Variants in WDPCP observed in about 807,000 individuals in gnomAD.
WDPCP encodes the protein WD repeat-containing and planar cell polarity effector protein fritz homolog.
In WDPCP, 71 loss-of-function variants were observed where a neutral mutation model predicts 93.1. The observed-to-expected ratio is 0.76, with a 90% CI of 0.63 to 0.93. The LOEUF is 0.93. Ranked by LOEUF, WDPCP falls within the 40% of genes least tolerant of loss-of-function variation. WDPCP has a pLI of 0.00. For missense variants in WDPCP, 844 were observed against 887.4 expected (o/e 0.95, Z 0.62); for synonymous variants, 315 against 315.0 (o/e 1.00, Z 0.00).
At chr2:63,331,133 G>A (rs957400188) in intron 12 of WDPCP, among the ~76,000 whole-genome samples, 1 of 152,086 alleles carries the variant, frequency 6.6e-6, no homozygotes, top group African/African-American at 2.4e-5. Flanking sequence ...TGGGATTACA[G>A]GCATAAGCCA....
intron 1 of WDPCP, among the ~76,000 whole-genome samples, chr2:63,512,581 T>C (rs889643352): frequency 5.3e-5 from 8 of 152,344 alleles, no homozygotes; most frequent in Admixed American, 2.6e-4. Context: ...AATGAGTTTA[T>C]GTCCTTTGCA....
chr2:63,144,182 G>T (rs1441615213), intron 17 of WDPCP, among the ~76,000 whole-genome samples: 3 of 152,042 alleles, frequency 2.0e-5, no homozygotes, highest in Admixed American at 2.0e-4. Context: ...TTAGTTCAAA[G>T]ACCTTGTTTT....
At chr2:63,275,644 G>A (rs1163885245) in intron 13 of WDPCP, among the ~76,000 whole-genome samples, 1 of 151,850 alleles carries the variant, frequency 6.6e-6, no homozygotes, top group East Asian at 1.9e-4. Flanking sequence ...ATTTGCAATG[G>A]CCACAAAAAA....
chr2:63,490,419 C>G (rs1700811222), intron 2 of WDPCP, among the ~76,000 whole-genome samples: 1 of 152,074 alleles, frequency 6.6e-6, no homozygotes, highest in Admixed American at 6.6e-5. Context: ...GACAATTTTT[C>G]TATAAGTTTG....
intron 1 of WDPCP, chr2:63,827,478 G>A (rs1030196359): frequency 6.6e-6 from 1 of 152,072 alleles, no homozygotes; most frequent in African/African-American, 2.4e-5. Context: ...AACATTTTAA[G>A]AAATTCACTG....
intron 3 of WDPCP, among the ~76,000 whole-genome samples, chr2:63,633,512 C>G (rs925784661): frequency 3.3e-5 from 5 of 152,094 alleles, no homozygotes; most frequent in Admixed American, 3.3e-4. Flanking sequence ...CAGTTAATAT[C>G]AACTTAAAAT....
At chr2:63,388,414 A>T (rs1692928413) in intron 10 of WDPCP, among the ~76,000 whole-genome samples, 2 of 152,232 alleles carry the variant, frequency 1.3e-5, no homozygotes. Flanking sequence ...CAAAGACCAA[A>T]GGTAGATAAA....
At chr2:63,304,354 G>C (rs895805890) in intron 13 of WDPCP, among the ~76,000 whole-genome samples, 4 of 152,198 alleles carry the variant, frequency 2.6e-5, no homozygotes, top group Non-Finnish European at 5.9e-5. Context: ...CAGAAGGTGG[G>C]TGATTTCTGC....
At chr2:63,771,533 A>G (rs146079795) in intron 2 of WDPCP, among the ~76,000 whole-genome samples, 192 of 152,012 alleles carry the variant, frequency 1.3e-3, no homozygotes, top group Non-Finnish European at 2.4e-3. Flanking sequence ...AAACTTGCCA[A>G]CTTGTTTTTT....
chr2:63,459,403 C>G (rs1439780149), intron 6 of WDPCP, among the ~76,000 whole-genome samples: 1 of 151,868 alleles, frequency 6.6e-6, no homozygotes, highest in African/African-American at 2.4e-5. Context: ...AAAAAATGAG[C>G]AAAGTACATG....
intron 14 of WDPCP, among the ~76,000 whole-genome samples, chr2:63,180,595 C>T (rs570665938): frequency 2.6e-5 from 4 of 152,156 alleles, no homozygotes; most frequent in East Asian, 3.9e-4. Flanking sequence ...CTGATGTAAA[C>T]GTAGGTGATT....
At chr2:63,355,012 A>C (rs1366934986) in intron 12 of WDPCP, among the ~76,000 whole-genome samples, 4 of 152,222 alleles carry the variant, frequency 2.6e-5, no homozygotes, top group Non-Finnish European at 5.9e-5. Context: ...ACATGTGGAA[A>C]ACATATTTCA....
At chr2:63,593,742 CATT>C (rs747898036), upstream of WDPCP, 3 of 466,932 alleles carry the variant, frequency 6.4e-6, no homozygotes, top group South Asian at 1.6e-5. Flanking sequence ...CGTTTCTAAA[CATT>C]ATTGTTTTGT....
intron 12 of WDPCP, among the ~76,000 whole-genome samples, chr2:63,326,245 T>C (rs1221192112): frequency 1.3e-5 from 2 of 152,142 alleles, no homozygotes; most frequent in Non-Finnish European, 2.9e-5. Flanking sequence ...GAGGAACCAA[T>C]CGAGCATGAC....
chr2:63,404,527 T>C lies in WDPCP; in HGVS notation c.956A>G (p.Tyr319Cys). Residue 319 changes from tyrosine (Y) to cysteine (C), a missense_variant, in exon 10 of 18, where the codon TAT (tyrosine) becomes TGT (cysteine). Tyr to Cys is a radical substitution (Grantham distance 194). Coordinates refer to ENST00000272321, the MANE Select transcript of WDPCP (RefSeq NM_015910.7). ...DKEPMADSCI[Y>C]ECIRNKIQCV... is the part of the protein sequence containing the mutation. ...CTGGATTTTATTCCGAATGCATTCA[T>C]AGATGCAGCTGTCAGCCATGGGCTC... The C allele has an allele frequency of 5.0e-6, 8 of 1,613,714 alleles. No individual in the cohort carries two copies. Among genetic ancestry groups the C allele is most frequent in the Non-Finnish European group, 6.8e-6 (8 of 1,179,676 alleles).
intron 3 of WDPCP, among the ~76,000 whole-genome samples, chr2:63,607,834 A>G (rs1709568850): frequency 6.6e-6 from 1 of 152,034 alleles, no homozygotes; most frequent in African/African-American, 2.4e-5. Context: ...CTCAAAAAAA[A>G]AAAAAAAAGA....
chr2:63,806,664 G>A (rs540254620), intron 2 of WDPCP, among the ~76,000 whole-genome samples: 31 of 152,180 alleles, frequency 2.0e-4, no homozygotes, highest in African/African-American at 4.1e-4. Flanking sequence ...ACCACGCCCC[G>A]GGGAGGGGGT....
chr2:63,823,910 T>C (rs531071151), intron 1 of WDPCP, among the ~76,000 whole-genome samples: 57 of 152,196 alleles, frequency 3.7e-4, no homozygotes, highest in Admixed American at 1.1e-3. Flanking sequence ...TGGTGGCACA[T>C]GCCTGGTAAT....
At chr2:63,543,680 G>C (rs192909506) in intron 1 of WDPCP, among the ~76,000 whole-genome samples, 2 of 152,018 alleles carry the variant, frequency 1.3e-5, no homozygotes, top group African/African-American at 2.4e-5. Context: ...AGGAATGCAA[G>C]GGTTTTTTCA....
Sources: gnomAD v4.1 joint callset for allele counts (sites outside exome capture counted in the v4.1 genomes callset) on GRCh38, gnomAD v4.1.1 for gene constraint, MANE v1.5 for transcripts, NCBI Gene and HGNC (gene_info 2026-07-23, HGNC 2026-07-21) for gene names.